RFX3: variants seen among roughly 807,000 people sequenced by gnomAD.
RFX3 encodes the protein regulatory factor X3.
RFX3 carries 14 observed loss-of-function variants against 98.6 expected under a neutral mutation model. The observed-to-expected ratio is 0.14, with a 90% CI of 0.09 to 0.22. The LOEUF (loss-of-function observed/expected upper bound fraction) is 0.22. Ranked by LOEUF, RFX3 falls within the 10% of genes least tolerant of loss-of-function variation. The pLI is 1.00. For missense variants in RFX3, 639 were observed against 926.9 expected (o/e 0.69, Z 4.03); for synonymous variants, 383 against 328.4 (o/e 1.17, Z -1.80).
intron 1 of RFX3, among the ~76,000 whole-genome samples, chr9:3,473,337 C>A (rs745722606): frequency 6.6e-6 from 1 of 152,134 alleles, no homozygotes; most frequent in Non-Finnish European, 1.5e-5. Flanking sequence ...CTACTGGGTT[C>A]TCTTATTTCT....
At chr9:3,388,319 A>C (rs1839935928) in intron 2 of RFX3, among the ~76,000 whole-genome samples, 1 of 152,150 alleles carries the variant, frequency 6.6e-6, no homozygotes, top group Non-Finnish European at 1.5e-5. Flanking sequence ...TATTCATTTA[A>C]ATCTTACCTT....
chr9:3,306,735 A>T (rs1383826657), intron 4 of RFX3, among the ~76,000 whole-genome samples: 1 of 151,968 alleles, frequency 6.6e-6, no homozygotes, highest in East Asian at 1.9e-4. Context: ...ATGTACCCTA[A>T]AACTTAAAGT....
Position 3,218,708 on chromosome 9 carries a change from A to C in RFX3, c.*6334T>G, listed in dbSNP as rs1817194848. On this transcript the variant is annotated 3_prime_UTR_variant, in exon 17 of 17. Coordinates refer to ENST00000617270, the MANE Select transcript of RFX3 (RefSeq NM_001282116.2). Reference sequence around the variant, plus strand: ...ATAATTAAAAAGTTTATTCAACTGTAGTCCAAAAACTGGAAAAGAACATTA... The same window carrying C: ...ATAATTAAAAAGTTTATTCAACTGTCGTCCAAAAACTGGAAAAGAACATTA... The C allele has an allele frequency of 6.6e-6, 1 of 152,212 alleles. No homozygotes were observed. Among genetic ancestry groups the C allele is most frequent in the Non-Finnish European group, 1.5e-5 (1 of 68,018 alleles). The allele number at this position is 152,212 out of a possible 1,614,324, so 9.4% of individuals were successfully genotyped here. A position where few individuals can be genotyped will look rare whatever the true frequency, so the allele number is the denominator to read the frequency against.
rs79082978 is a variant in RFX3, at chr9:3,487,971, C to G, written c.-9+37776G>C. Among the ~76,000 whole-genome samples the G allele has an allele frequency of 4.7e-3, 722 of 152,168 alleles. 1 individual carries two copies. The highest frequency in any genetic ancestry group is 0.016 in the African/African-American group (682 of 41,540). On this transcript the variant is annotated intron_variant, in intron 1 of 16. Coordinates refer to ENST00000617270, the MANE Select transcript of RFX3 (RefSeq NM_001282116.2). Reference sequence around the variant, plus strand: ...AAATAAGATGCTACACACAAAAGAGCTTTGTAAAGCATGACCTTTGTGTAG... The same window carrying G: ...AAATAAGATGCTACACACAAAAGAGGTTTGTAAAGCATGACCTTTGTGTAG...
chr9:3,503,438 T>C (rs1816269725), intron 1 of RFX3, among the ~76,000 whole-genome samples: 1 of 152,098 alleles, frequency 6.6e-6, no homozygotes, highest in Non-Finnish European at 1.5e-5. Context: ...TTTTAAGTAG[T>C]CCAATACAGT....
intron 1 of RFX3, among the ~76,000 whole-genome samples, chr9:3,423,559 A>G (rs1409417629): frequency 6.6e-6 from 1 of 151,974 alleles, no homozygotes; most frequent in African/African-American, 2.4e-5. Flanking sequence ...TAATCCATTT[A>G]TGTGAAATTC....
intron 1 of RFX3, among the ~76,000 whole-genome samples, chr9:3,490,705 GCAAA>G: frequency 6.6e-6 from 1 of 152,176 alleles, no homozygotes; most frequent in East Asian, 1.9e-4. Context: ...AGATGAGAGA[GCAAA>G]CAATTCTGAA....
chr9:3,473,332 G>A (rs1156924182), intron 1 of RFX3, among the ~76,000 whole-genome samples: 2 of 152,078 alleles, frequency 1.3e-5, no homozygotes, highest in Non-Finnish European at 2.9e-5. Context: ...ATGAACTACT[G>A]GGTTCTCTTA....
chr9:3,253,645 C>T (rs549729445), intron 14 of RFX3, among the ~76,000 whole-genome samples: 5 of 152,084 alleles, frequency 3.3e-5, no homozygotes, highest in African/African-American at 4.8e-5. Flanking sequence ...CTCTTTGTAG[C>T]GCTGTATCAA....
At chr9:3,417,715 T>C (rs1351776627) in intron 1 of RFX3, among the ~76,000 whole-genome samples, 4 of 152,114 alleles carry the variant, frequency 2.6e-5, no homozygotes, top group African/African-American at 9.7e-5. Context: ...TCAACAGTTT[T>C]ACAAGTGAAC....
chr9:3,221,214 C>G lies in RFX3; in HGVS notation c.*3828G>C, dbSNP rs1817325583. ...TTTTTTTCCTTTTACACTAATGTTTCAAGCACAGCATTATTTTAGACATTT... is the reference window on the plus strand; with the variant it reads ...TTTTTTTCCTTTTACACTAATGTTTGAAGCACAGCATTATTTTAGACATTT... On this transcript the variant is annotated 3_prime_UTR_variant, in exon 17 of 17. Transcript: ENST00000617270. 1 of 151,940 alleles carries G rather than the reference C, an allele frequency of 6.6e-6. No individual in the cohort carries two copies. Among genetic ancestry groups the G allele is most frequent in the African/African-American group, 2.4e-5 (1 of 41,352 alleles). The allele number at this position is 151,940 out of a possible 1,614,324, so 9.4% of individuals were successfully genotyped here.
chr9:3,247,823 A>G, intron 15 of RFX3: 3 of 1,606,132 alleles, frequency 1.9e-6, no homozygotes, highest in Non-Finnish European at 2.5e-6. Context: ...CTTTCACATG[A>G]TATAATCCAC....
chr9:3,398,767 T>C (rs1037267428), intron 1 of RFX3, among the ~76,000 whole-genome samples: 6 of 152,092 alleles, frequency 3.9e-5, no homozygotes, highest in African/African-American at 1.4e-4. Flanking sequence ...TTTTGGTCTA[T>C]GACCCACACT....
intron 15 of RFX3, among the ~76,000 whole-genome samples, chr9:3,229,246 G>A (rs1271174567): frequency 2.0e-5 from 3 of 152,190 alleles, no homozygotes; most frequent in Non-Finnish European, 4.4e-5. Flanking sequence ...CCCCAATCAA[G>A]CAGGACACAT....
intron 1 of RFX3, among the ~76,000 whole-genome samples, chr9:3,421,923 T>A (rs1353560154): frequency 6.6e-6 from 1 of 152,004 alleles, no homozygotes; most frequent in East Asian, 1.9e-4. Flanking sequence ...TGACAGGAAT[T>A]GATAGGAACT....
rs79511599 is a variant in RFX3 at position 3,436,900 on chromosome 9, T to C, written c.-8-41304A>G. The stretch of plus-strand genomic sequence containing the variant: ...CTCCTACAAGCCAAGCACCTCAAAA[T>C]GTCAATCAATTCTGGTAACTCCTGC... On this transcript the variant is annotated intron_variant, in intron 1 of 16. Coordinates refer to ENST00000617270, the MANE Select transcript of RFX3 (RefSeq NM_001282116.2). Among the ~76,000 whole-genome samples, 139 of 152,132 alleles carry C rather than the reference T, an allele frequency of 9.1e-4. No homozygotes were observed. The East Asian group carries it at 0.013, about 15-fold the overall frequency.
chr9:3,371,279 T>C (rs1388747690), intron 2 of RFX3, among the ~76,000 whole-genome samples: 2 of 152,164 alleles, frequency 1.3e-5, no homozygotes, highest in African/African-American at 4.8e-5. Context: ...TAAAGCAAAA[T>C]GAATTTAGAT....
intron 1 of RFX3, among the ~76,000 whole-genome samples, chr9:3,430,846 G>C (rs981102735): frequency 2.0e-5 from 3 of 151,368 alleles, no homozygotes; most frequent in African/African-American, 7.3e-5. Context: ...AAAAAATTAA[G>C]ATGAAGGTAT....
intron 3 of RFX3, among the ~76,000 whole-genome samples, chr9:3,337,357 C>T (rs578057424): frequency 5.3e-5 from 8 of 152,182 alleles, no homozygotes; most frequent in Non-Finnish European, 7.3e-5. Flanking sequence ...TTTTTAATAT[C>T]TTAGAAAAGT....
Sources: gnomAD v4.1 joint callset for allele counts (sites outside exome capture counted in the v4.1 genomes callset) on GRCh38, gnomAD v4.1.1 for gene constraint, MANE v1.5 for transcripts, NCBI Gene and HGNC (gene_info 2026-07-23, HGNC 2026-07-21) for gene names.